Variants in THOC1 observed in about 807,000 individuals in gnomAD.
THOC1 encodes THO complex subunit 1.
Under a neutral mutation model 97.3 loss-of-function variants are expected in THOC1, and 29 were observed. That is an observed-to-expected ratio of 0.30 (90% CI 0.22 to 0.41). The LOEUF (loss-of-function observed/expected upper bound fraction) is 0.41. Ranked by LOEUF, THOC1 falls within the 10% of genes least tolerant of loss-of-function variation. The pLI is 1.00. For missense variants in THOC1, 529 were observed against 761.9 expected (o/e 0.69, Z 3.60); for synonymous variants, 255 against 257.0 (o/e 0.99, Z 0.07).
intron 9 of THOC1, among the ~76,000 whole-genome samples, chr18:250,609 T>C (rs1912248162): frequency 6.6e-6 from 1 of 152,226 alleles, no homozygotes; most frequent in East Asian, 1.9e-4. Flanking sequence ...TTGAGCCAAA[T>C]CTGAAATGGA....
chr18:222,007 G>A (rs536016570), intron 17 of THOC1, among the ~76,000 whole-genome samples: 1 of 152,186 alleles, frequency 6.6e-6, no homozygotes, highest in Non-Finnish European at 1.5e-5. Context: ...ACTTTCTGTT[G>A]TGTTTTCTGT....
intron 17 of THOC1, among the ~76,000 whole-genome samples, chr18:222,772 G>A (rs943135858): frequency 5.9e-5 from 9 of 152,120 alleles, no homozygotes; most frequent in African/African-American, 2.2e-4. Flanking sequence ...TTGCTCCTTT[G>A]TAGGTTGTCT....
At position 216,942 on chromosome 18, in the gene THOC1, C is replaced by T. The variant is rs188774814; in HGVS notation, c.1455-309G>A. 4.3e-3 allele frequency among the ~76,000 whole-genome samples: 650 copies of T among 152,282 alleles called. 8 individuals carry two copies. The highest frequency in any genetic ancestry group is 4.1e-3 in the Non-Finnish European group (277 of 68,012). On this transcript the variant is annotated intron_variant, in intron 18 of 20. Transcript: ENST00000261600. ...AACAAGTCAACAAGTGTGTGCAGTA[C>T]TGGCTGGATGCAGTACGTATACAAC...
At chr18:247,071 T>A (rs1245485930) in intron 10 of THOC1, among the ~76,000 whole-genome samples, 1 of 152,190 alleles carries the variant, frequency 6.6e-6, no homozygotes, top group Non-Finnish European at 1.5e-5. Context: ...TGCTAAAAAC[T>A]GAGCAAATAA....
At chr18:255,988 T>C (rs1411711197) in intron 7 of THOC1, among the ~76,000 whole-genome samples, 2 of 152,240 alleles carry the variant, frequency 1.3e-5, no homozygotes, top group Non-Finnish European at 2.9e-5. Flanking sequence ...TGTTGAGACT[T>C]AACTGCTCAG....
chr18:259,807 A>G, intron 5 of THOC1, 77 bp from the exon 6 acceptor site: 2 of 1,134,862 alleles, frequency 1.8e-6, no homozygotes, highest in Non-Finnish European at 2.5e-6. Flanking sequence ...CCAGAGTGAA[A>G]TATTAAAGAA....
chr18:219,683 A>T (rs1911011795), intron 17 of THOC1, among the ~76,000 whole-genome samples: 1 of 152,170 alleles, frequency 6.6e-6, no homozygotes, highest in Non-Finnish European at 1.5e-5. Flanking sequence ...ATAATATTAT[A>T]TACTTTAATT....
chr18:263,121 C>T (rs1912654763), intron 4 of THOC1, among the ~76,000 whole-genome samples: 1 of 152,080 alleles, frequency 6.6e-6, no homozygotes, highest in Non-Finnish European at 1.5e-5. Context: ...TGCTCTGTTG[C>T]CCAGGCTGGA....
chr18:246,401 C>A lies in THOC1; in HGVS notation c.841G>T (p.Ala281Ser), dbSNP rs1912088648. ...FKSYKLDDTQ[A>S]SRKKMEELKT... ...AATTCTTCCATCTTTTTTCTTGAGG[C>A]CTGAGTATCATCTAATTTATAACTC... The change falls in exon 11 of 21, where the codon GCC becomes TCC. Residue 281 changes from alanine to serine, a missense_variant. Transcript: ENST00000261600. 4 of 1,600,868 alleles carry A rather than the reference C, an allele frequency of 2.5e-6. No homozygotes were observed. Among genetic ancestry groups the A allele is most frequent in the African/African-American group, 1.3e-5 (1 of 74,518 alleles).
At position 224,113 on chromosome 18, in the gene THOC1, T is replaced by C. The variant is rs765756899; in HGVS notation, c.1275A>G (p.Lys425=). 2 of 1,610,798 alleles carry C rather than the reference T, an allele frequency of 1.2e-6. No individual in the cohort carries two copies. The highest frequency in any genetic ancestry group is 1.7e-6 in the Non-Finnish European group (2 of 1,178,384). The change falls in exon 16 of 21, where the codon AAA becomes AAG. Residue 425 remains lysine (K), a synonymous_variant. Coordinates refer to ENST00000261600, the MANE Select transcript of THOC1 (RefSeq NM_005131.3). ...CCATCAGAATTTTTTTGGTGGGTCC[T>C]TTCCCTAGGAAGTCCTCGGGTGCTG... ...KRTAPEDFLG[K]GPTKKILMGN... is the part of the protein sequence containing the mutation.
chr18:217,989 G>C (rs1185030713), intron 18 of THOC1, among the ~76,000 whole-genome samples: 1 of 152,158 alleles, frequency 6.6e-6, no homozygotes, highest in East Asian at 1.9e-4. Flanking sequence ...ATTTTAAGCA[G>C]ATTAGACTTG....
At chr18:221,830 T>C (rs377290162) in intron 17 of THOC1, among the ~76,000 whole-genome samples, 7 of 152,112 alleles carry the variant, frequency 4.6e-5, no homozygotes, top group African/African-American at 1.4e-4. Context: ...CGATGGTCTC[T>C]ATCTCCTGAC....
chr18:225,427 A>T (rs771489595), intron 12 of THOC1, 24 bp from the exon 13 acceptor site: 4 of 1,604,382 alleles, frequency 2.5e-6, no homozygotes, highest in Non-Finnish European at 2.6e-6. Context: ...CAATGAAAGC[A>T]TGCTTGAGTT....
intron 9 of THOC1, among the ~76,000 whole-genome samples, chr18:248,494 C>T (rs1005168852): frequency 3.9e-5 from 6 of 151,976 alleles, no homozygotes; most frequent in South Asian, 2.1e-4. Context: ...TTCTAGACTT[C>T]GATATGAGGG....
At position 252,608 on chromosome 18, in the gene THOC1, GTGTGCT is replaced by G. The variant is rs772656781; in HGVS notation, c.604-2_607del. 2 of 1,605,550 alleles carry G rather than the reference GTGTGCT, an allele frequency of 1.2e-6. No homozygotes were observed. The highest frequency in any genetic ancestry group is 1.7e-6 in the Non-Finnish European group (2 of 1,177,046). ...ATCCATTCCTTCTTCTCTATCTTCA[GTGTGCT>G]AAATTGAAAAAAAAATGTATAGCCT... On this transcript the variant is annotated splice_acceptor_variant and coding_sequence_variant, in exon 9 of 21. Coordinates refer to ENST00000261600, the MANE Select transcript of THOC1 (RefSeq NM_005131.3). LOFTEE classifies it high-confidence loss of function.
intron 8 of THOC1, 36 bp from the exon 9 acceptor site, chr18:252,648 G>A: frequency 4.6e-6 from 7 of 1,530,384 alleles, no homozygotes; most frequent in Admixed American, 1.7e-5. Flanking sequence ...CTGTCATGAA[G>A]CAGTCATCAG....
In THOC1 at chr18:226,842, G is replaced by A; in HGVS notation, c.978C>T (p.Leu326=). ...GCCCCTTGAGATATTGGAATAAAAT[G>A]AGATACTGCAACAGGATGTGTCGAC... is the stretch of plus-strand genomic sequence containing the variant. The part of the protein sequence containing the change: ...NFRRHILLQY[L]ILFQYLKGQV... The change falls in exon 12 of 21, where the codon CTC becomes CTT. Residue 326 remains leucine, a synonymous_variant. Transcript: ENST00000261600. 6.2e-7 allele frequency: 1 copy of A among 1,611,982 alleles called. No homozygotes were observed. The highest frequency in any genetic ancestry group is 8.5e-7 in the Non-Finnish European group (1 of 1,179,074).
At chr18:232,791 T>TTAA (rs10690791) in intron 11 of THOC1, among the ~76,000 whole-genome samples, 1 of 151,876 alleles carries the variant, frequency 6.6e-6, no homozygotes, top group Non-Finnish European at 1.5e-5. Flanking sequence ...TTGCTAAGTG[T>TTAA]ATGGTTATCT....
chr18:262,349 C>T (rs1324725079), intron 4 of THOC1, among the ~76,000 whole-genome samples: 4 of 152,090 alleles, frequency 2.6e-5, no homozygotes, highest in African/African-American at 9.7e-5. Flanking sequence ...CAATAAATAT[C>T]GGCCAAATTG....
Sources: allele counts gnomAD v4.1 joint callset (sites outside exome capture counted in the v4.1 genomes callset), GRCh38; gene constraint gnomAD v4.1.1; transcripts MANE v1.5; gene names NCBI Gene and HGNC (gene_info 2026-07-23, HGNC 2026-07-21).